The following ANO4 variants were observed in gnomAD, a reference collection of about 807,000 sequenced individuals.
The protein encoded by ANO4 is anoctamin-4.
A neutral mutation model predicts 141.9 loss-of-function variants in ANO4; 69 were observed. That is an observed-to-expected ratio of 0.49 (90% CI 0.40 to 0.59). The LOEUF (loss-of-function observed/expected upper bound fraction) is 0.59, where lower values mean the gene tolerates loss of function less well. ANO4 is among the 20% of genes least tolerant of loss of function. ANO4 has a pLI of 0.00. For missense variants in ANO4, 894 were observed against 1,162.2 expected, an observed-to-expected ratio of 0.77 and a Z score of 3.36; for synonymous variants, 350 against 394.3, an observed-to-expected ratio of 0.89 and a Z score of 1.33.
intron 1 of ANO4, among the ~76,000 whole-genome samples, chr12:100,895,725 C>G (rs2040317981): frequency 6.6e-6 from 1 of 151,794 alleles, no homozygotes; most frequent in South Asian, 2.1e-4. Flanking sequence ...CCATGCCCAG[C>G]TAATTTTTGT....
intron 3 of ANO4, among the ~76,000 whole-genome samples, chr12:100,781,325 A>G (rs1019365901): frequency 2.0e-5 from 3 of 152,226 alleles, no homozygotes; most frequent in African/African-American, 7.2e-5. Context: ...CATTTCCACT[A>G]TCAACCACAG....
At chr12:100,961,391 G>A (rs1299918597) in intron 5 of ANO4, among the ~76,000 whole-genome samples, 2 of 152,168 alleles carry the variant, frequency 1.3e-5, no homozygotes, top group Non-Finnish European at 2.9e-5. Context: ...TCTGTTCAAT[G>A]GGCTGGGCAC....
At chr12:100,783,048 T>A (rs1384086482) in intron 3 of ANO4, among the ~76,000 whole-genome samples, 1 of 152,164 alleles carries the variant, frequency 6.6e-6, no homozygotes, top group East Asian at 1.9e-4. Context: ...GTTGGAGGCT[T>A]CTTCCTCCCT....
chr12:100,940,232 C>T (rs2042456213), intron 4 of ANO4, among the ~76,000 whole-genome samples: 1 of 145,538 alleles, frequency 6.9e-6, no homozygotes, highest in Admixed American at 6.9e-5. Context: ...TAAAAAAAAA[C>T]ACTCATTCTG....
At chr12:100,768,469 C>T (rs2033174845) in intron 3 of ANO4, among the ~76,000 whole-genome samples, 1 of 152,202 alleles carries the variant, frequency 6.6e-6, no homozygotes, top group Non-Finnish European at 1.5e-5. Context: ...GGGGGACCAG[C>T]ACTGGAGTGT....
At chr12:101,090,667 C>T (rs950242894) in intron 17 of ANO4, among the ~76,000 whole-genome samples, 1 of 151,980 alleles carries the variant, frequency 6.6e-6, no homozygotes. Flanking sequence ...TTAACGGGTG[C>T]AGCACACCAA....
chr12:100,995,021 C>T (rs965204201), intron 8 of ANO4, among the ~76,000 whole-genome samples: 1 of 152,092 alleles, frequency 6.6e-6, no homozygotes, highest in East Asian at 1.9e-4. Context: ...AATTATCCAG[C>T]CTCAAAAGTC....
At chr12:101,021,716 C>T (rs2046536958) in intron 9 of ANO4, among the ~76,000 whole-genome samples, 1 of 152,082 alleles carries the variant, frequency 6.6e-6, no homozygotes, top group Non-Finnish European at 1.5e-5. Flanking sequence ...CTTTTCCTTT[C>T]AGTCTTTTAA....
At chr12:100,815,042 C>T (rs762975240) in intron 1 of ANO4, among the ~76,000 whole-genome samples, 11 of 151,844 alleles carry the variant, frequency 7.2e-5, no homozygotes, top group Non-Finnish European at 1.3e-4. Context: ...AGAGGGATGC[C>T]TGGAGGGAAT....
intron 8 of ANO4, among the ~76,000 whole-genome samples, chr12:101,006,193 G>A (rs12298243): frequency 0.21 from 31,878 of 152,032 alleles, 4,127 homozygotes; most frequent in African/African-American, 0.35. Flanking sequence ...GCTCCCTCAT[G>A]TTTTCCTGTT....
intron 9 of ANO4, among the ~76,000 whole-genome samples, chr12:101,028,718 A>G (rs2046842542): frequency 6.6e-6 from 1 of 152,238 alleles, no homozygotes; most frequent in South Asian, 2.1e-4. Context: ...TACCACCTGA[A>G]GCAGACGTGA....
At chr12:100,820,232 C>A (rs573548904) in intron 1 of ANO4, among the ~76,000 whole-genome samples, 1 of 151,930 alleles carries the variant, frequency 6.6e-6, no homozygotes, top group African/African-American at 2.4e-5. Context: ...GGAATCCATT[C>A]ATTCTTCAAC....
At chr12:101,086,926 C>A in intron 17 of ANO4, 102 bp downstream of exon 17, 1 of 1,356,620 alleles carries the variant, frequency 7.4e-7, no homozygotes, top group Non-Finnish European at 1.0e-6. Flanking sequence ...AGAGGTGGGC[C>A]ATTCACATAG....
At chr12:100,748,017 C>T (rs1214170073) in intron 3 of ANO4, among the ~76,000 whole-genome samples, 1 of 152,134 alleles carries the variant, frequency 6.6e-6, no homozygotes, top group Non-Finnish European at 1.5e-5. Flanking sequence ...TACCTGTGCA[C>T]CTAAGGTCTG....
chr12:100,836,446 C>G (rs1050949488), intron 1 of ANO4, among the ~76,000 whole-genome samples: 2 of 151,576 alleles, frequency 1.3e-5, no homozygotes, highest in African/African-American at 4.9e-5. Context: ...CACCCATTAA[C>G]TCGTCATTTA....
chr12:100,988,585 A>AAACCAGGCTG (rs1189896109), intron 8 of ANO4, among the ~76,000 whole-genome samples: 4 of 150,494 alleles, frequency 2.7e-5, no homozygotes, highest in African/African-American at 9.7e-5. Context: ...GTGAGAAAGT[A>AAACCAGGCTG]AACCAGGCTG....
chr12:100,885,200 C>T lies in ANO4; in HGVS notation c.-140-16446C>T, dbSNP rs149223870. 6.4e-4 allele frequency among the ~76,000 whole-genome samples: 98 copies of T among 152,342 alleles called. 1 individual carries two copies. The highest frequency in any genetic ancestry group is 9.8e-4 in the Non-Finnish European group (67 of 68,026). The stretch of plus-strand genomic sequence containing the variant: ...TTCAAAGTCCTTAAATCTGCAAAGT[C>T]CCTGTTAGTCCCATGTAAGGTGACA... On this transcript the variant is annotated intron_variant, in intron 1 of 27. Transcript: ENST00000392977.
chr12:101,104,649 A>G (rs1593280535), intron 22 of ANO4, among the ~76,000 whole-genome samples: 4 of 83,442 alleles, frequency 4.8e-5, no homozygotes, highest in East Asian at 5.1e-4. Context: ...ATATATATAT[A>G]TATATATATA....
At chr12:100,997,799 C>G (rs1354719855) in intron 8 of ANO4, among the ~76,000 whole-genome samples, 2 of 152,106 alleles carry the variant, frequency 1.3e-5, no homozygotes, top group African/African-American at 2.4e-5. Flanking sequence ...AATTCTTGCA[C>G]AGGGTCATTG....
Sources: allele counts gnomAD v4.1 joint callset (sites outside exome capture counted in the v4.1 genomes callset), GRCh38; gene constraint gnomAD v4.1.1; transcripts MANE v1.5; gene names NCBI Gene and HGNC (gene_info 2026-07-23, HGNC 2026-07-21).